Variants in AIMP1 observed in about 807,000 individuals in gnomAD.
AIMP1 encodes aminoacyl tRNA synthase complex-interacting multifunctional protein 1.
AIMP1 carries 24 observed loss-of-function variants against 33.1 expected under a neutral mutation model. That is an observed-to-expected ratio of 0.73 (90% CI 0.53 to 1.02). AIMP1 has a LOEUF of 1.02. AIMP1 is among the 50% of genes least tolerant of loss of function. The pLI, the probability that AIMP1 is intolerant of heterozygous loss-of-function variation, is 0.00. For missense variants in AIMP1, 367 were observed against 364.8 expected (o/e 1.01, Z -0.05); for synonymous variants, 120 against 121.5 (o/e 0.99, Z 0.08).
intron 5 of AIMP1, among the ~76,000 whole-genome samples, chr4:106,335,635 C>T (rs1283811172): frequency 1.3e-5 from 2 of 152,148 alleles, no homozygotes; most frequent in Non-Finnish European, 2.9e-5. Context: ...TTTAAGTTCT[C>T]ATATACGTGA....
chr4:106,346,555 T>C (rs1770309335), intron 6 of AIMP1, among the ~76,000 whole-genome samples: 1 of 152,150 alleles, frequency 6.6e-6, no homozygotes, highest in African/African-American at 2.4e-5. Context: ...TCATTACTCC[T>C]TTCTGTTTCT....
intron 6 of AIMP1, 70 bp from the exon 7 acceptor site, chr4:106,347,456 G>C (rs1770345757): frequency 2.1e-5 from 30 of 1,418,976 alleles, no homozygotes; most frequent in Non-Finnish European, 2.8e-5. Context: ...GGAAATCTCT[G>C]TGAATAGTCT....
intron 1 of AIMP1, among the ~76,000 whole-genome samples, chr4:106,324,694 T>C (rs3113251): frequency 0.057 from 8,701 of 152,092 alleles, 507 homozygotes; most frequent in East Asian, 0.28. Context: ...TATCTCTTAG[T>C]GTACCTGAAG....
At chr4:106,347,324 GAAAC>G (rs1770341684) in intron 6 of AIMP1, among the ~76,000 whole-genome samples, 198 bp from the exon 7 acceptor site, 1 of 151,798 alleles carries the variant, frequency 6.6e-6, no homozygotes, top group South Asian at 2.1e-4. Context: ...TATACATAAA[GAAAC>G]AACAACGATT....
chr4:106,337,417 T>A (rs1282322699), intron 6 of AIMP1, among the ~76,000 whole-genome samples: 1 of 152,130 alleles, frequency 6.6e-6, no homozygotes, highest in Non-Finnish European at 1.5e-5. Context: ...TCTCATGAGA[T>A]CTCATGGTTT....
chr4:106,318,703 G>T (rs1426982418), intron 1 of AIMP1, among the ~76,000 whole-genome samples: 1 of 152,014 alleles, frequency 6.6e-6, no homozygotes, highest in Non-Finnish European at 1.5e-5. Context: ...ACTTAATCTT[G>T]TCATTATTTC....
chr4:106,323,352 G>A (rs1170118475), intron 1 of AIMP1, among the ~76,000 whole-genome samples: 2 of 151,704 alleles, frequency 1.3e-5, no homozygotes, highest in South Asian at 2.1e-4. Flanking sequence ...CAACTTGGTG[G>A]GTATTTATTT....
chr4:106,322,738 A>C (rs1406703759), intron 1 of AIMP1, among the ~76,000 whole-genome samples: 1 of 152,132 alleles, frequency 6.6e-6, no homozygotes, highest in East Asian at 1.9e-4. Context: ...TAATCCCAGC[A>C]CCTTGGGAAG....
Position 106,328,199 on chromosome 4 carries a change from G to A in AIMP1, c.347G>A (p.Gly116Glu), listed in dbSNP as rs769931736. The A allele has an allele frequency of 1.9e-6, 3 of 1,612,262 alleles. No homozygotes were observed. The Admixed American group carries it at 5.0e-5, about 27-fold the overall frequency. ...GGTACCAAAGAACAGATAAAAGGAG[G>A]AACAGGAGACGAAAAGAAAGCGAAA... ...SSGTKEQIKG[G>E]TGDEKKAKEK... Residue 116 changes from glycine to glutamate, a missense_variant, in exon 4 of 7, where the codon GGA (glycine) becomes GAA (glutamate). Physicochemically the swap from Gly to Glu is moderately conservative, Grantham distance 98. Coordinates refer to ENST00000672341, the MANE Select transcript of AIMP1 (RefSeq NM_001142416.2).
intron 6 of AIMP1, among the ~76,000 whole-genome samples, chr4:106,342,648 A>G (rs777798353): frequency 3.3e-5 from 5 of 152,152 alleles, no homozygotes; most frequent in Non-Finnish European, 5.9e-5. Flanking sequence ...TGATTGTGGT[A>G]TATTGCTTTT....
At chr4:106,338,279 G>A (rs1769966297) in intron 6 of AIMP1, among the ~76,000 whole-genome samples, 1 of 152,202 alleles carries the variant, frequency 6.6e-6, no homozygotes, top group South Asian at 2.1e-4. Context: ...CCAAGACAAT[G>A]GGGAAAATGT....
chr4:106,326,011 G>C (rs866933320), intron 2 of AIMP1, among the ~76,000 whole-genome samples: 1 of 152,094 alleles, frequency 6.6e-6, no homozygotes, highest in Non-Finnish European at 1.5e-5. Context: ...CATCAAGAAT[G>C]CAATAGGTAC....
chr4:106,341,775 CT>C (rs1770109043), intron 6 of AIMP1, among the ~76,000 whole-genome samples: 3 of 152,116 alleles, frequency 2.0e-5, no homozygotes, highest in Non-Finnish European at 2.9e-5. Flanking sequence ...TATTTGCACT[CT>C]TTCCTCATTC....
intron 6 of AIMP1, 84 bp downstream of exon 6, chr4:106,337,121 C>T: frequency 7.1e-6 from 9 of 1,262,016 alleles, no homozygotes; most frequent in South Asian, 4.8e-5. Flanking sequence ...TAAAATCAGT[C>T]CTGTGTAAGA....
rs185721865 is a variant in AIMP1 at position 106,338,517 on chromosome 4, A to G, written c.772+1480A>G. Among the ~76,000 whole-genome samples the G allele has an allele frequency of 2.6e-5, 4 of 152,332 alleles. No homozygotes were observed. In the East Asian group the frequency reaches 7.7e-4, roughly 29 times the overall value. ...AGCCCTAAGCCTTGACAGCTTCCAC[A>G]TGGTGTTGAGCCTGCAGAGGCACAG... On this transcript the variant is annotated intron_variant, in intron 6 of 6. Transcript: ENST00000672341.
At chr4:106,343,583 A>G (rs1341979402) in intron 6 of AIMP1, among the ~76,000 whole-genome samples, 1 of 152,174 alleles carries the variant, frequency 6.6e-6, no homozygotes, top group Non-Finnish European at 1.5e-5. Flanking sequence ...ATGAGAAATC[A>G]TAGTGGTCTA....
intron 4 of AIMP1, among the ~76,000 whole-genome samples, chr4:106,328,589 T>G (rs1039481862): frequency 2.0e-5 from 3 of 152,176 alleles, no homozygotes; most frequent in Non-Finnish European, 4.4e-5. Flanking sequence ...GGAAACTAGC[T>G]TAGGACCAGT....
chr4:106,345,194 C>T (rs1770251480), intron 6 of AIMP1, among the ~76,000 whole-genome samples: 1 of 152,172 alleles, frequency 6.6e-6, no homozygotes, highest in African/African-American at 2.4e-5. Flanking sequence ...GGGCTTATGT[C>T]TGCTTGCAGC....
intron 1 of AIMP1, chr4:106,316,886 G>T (rs888013124): frequency 5.2e-6 from 2 of 388,036 alleles, no homozygotes; most frequent in African/African-American, 4.0e-5. Flanking sequence ...AAGGACTTAG[G>T]TGCTTTGGGG....
Sources: gnomAD v4.1 joint callset for allele counts (sites outside exome capture counted in the v4.1 genomes callset) on GRCh38, gnomAD v4.1.1 for gene constraint, MANE v1.5 for transcripts, NCBI Gene and HGNC (gene_info 2026-07-23, HGNC 2026-07-21) for gene names.